The following COL6A2 variants were observed in gnomAD, a reference collection of about 807,000 sequenced individuals.
COL6A2 encodes collagen type VI alpha 2 chain, also known as collagen alpha-2(VI) chain.
In COL6A2, 90 loss-of-function variants were observed where a neutral mutation model predicts 124.9. The observed-to-expected ratio is 0.72, with a 90% confidence interval of 0.61 to 0.86. The LOEUF is 0.86. Among genes scored for constraint, COL6A2 ranks in the 40% least tolerant of loss-of-function variants. COL6A2 has a pLI of 0.00. For missense variants in COL6A2, 1,607 were observed against 1,502.5 expected (o/e 1.07, Z -1.15); for synonymous variants, 793 against 618.2 (o/e 1.28, Z -4.19).
At chr21:46,117,130 G>A (rs549863990) in intron 10 of COL6A2, among the ~76,000 whole-genome samples, 1 of 152,286 alleles carries the variant, frequency 6.6e-6, no homozygotes, top group Admixed American at 6.5e-5. Context: ...CTCCTTCCAT[G>A]GCTCCCCGTG....
chr21:46,117,371 G>GA, intron 10 of COL6A2, 29 bp from the exon 11 acceptor site: 2 of 1,610,338 alleles, frequency 1.2e-6, no homozygotes, highest in Non-Finnish European at 1.7e-6. Flanking sequence ...ACCCCGCCCT[G>GA]AGACTCCTCC....
Position 46,111,596 on chromosome 21 carries a change from CA to C in COL6A2, c.115+6del, listed in dbSNP as rs578127995. 212 of 1,608,372 alleles carry C rather than the reference CA, an allele frequency of 1.3e-4. No homozygotes were observed. In the African/African-American group the frequency reaches 2.6e-3, roughly 20 times the overall value. Reference sequence around the variant, plus strand: ...AGAGAAACAACAACTGCCCAGGTGCCAGGGGTCGGGGGCCGGGGGCTCTGGG... The same window carrying C: ...AGAGAAACAACAACTGCCCAGGTGCCGGGGTCGGGGGCCGGGGGCTCTGGG... On this transcript the variant is annotated splice_donor_region_variant and intron_variant, in intron 2 of 27. Coordinates refer to ENST00000300527, the MANE Select transcript of COL6A2 (RefSeq NM_001849.4).
chr21:46,107,797 C>T (rs977461798), intron 1 of COL6A2, among the ~76,000 whole-genome samples: 1 of 152,144 alleles, frequency 6.6e-6, no homozygotes, highest in African/African-American at 2.4e-5. Flanking sequence ...TTTGAATTTT[C>T]CTGCCTTTCT....
chr21:46,119,728 TC>T, intron 14 of COL6A2, 59 bp from the exon 15 acceptor site: 2 of 1,483,758 alleles, frequency 1.3e-6, no homozygotes, highest in Non-Finnish European at 1.8e-6. Flanking sequence ...GCCCCCACCC[TC>T]CACAGGCTCT....
At chr21:46,099,651 C>G (rs1430556061) in intron 1 of COL6A2, among the ~76,000 whole-genome samples, 1 of 152,118 alleles carries the variant, frequency 6.6e-6, no homozygotes, top group Non-Finnish European at 1.5e-5. Flanking sequence ...CTACCCAGCC[C>G]GCGGGGCACT....
At chr21:46,114,415 ACT>A (rs1721803609) in intron 5 of COL6A2, among the ~76,000 whole-genome samples, 1 of 148,106 alleles carries the variant, frequency 6.8e-6, no homozygotes, top group African/African-American at 2.5e-5. Flanking sequence ...ACAGAGTAAG[ACT>A]CTGTCTCAAA....
intron 27 of COL6A2, among the ~76,000 whole-genome samples, chr21:46,131,210 G>A (rs943081410): frequency 1.3e-5 from 2 of 152,238 alleles, no homozygotes; most frequent in East Asian, 3.8e-4. Flanking sequence ...GACTGTCCGT[G>A]TCCTGTCCTG....
At position 46,112,784 on chromosome 21, in the gene COL6A2, C is replaced by A. The variant is rs774379821; in HGVS notation, c.715-20C>A. On this transcript the variant is annotated intron_variant, in intron 3 of 27. Coordinates refer to ENST00000300527, the MANE Select transcript of COL6A2 (RefSeq NM_001849.4). ...GGTCTCGAGGCACACGGCTAACCAG[C>A]ATGTCTGTCTTTTCTGCAGAAACAC... 6.2e-7 allele frequency: 1 copy of A among 1,613,824 alleles called. No individual in the cohort carries two copies. Among genetic ancestry groups the A allele is most frequent in the Admixed American group, 1.7e-5 (1 of 60,032 alleles).
In COL6A2 at chr21:46,129,643, A is replaced by G. The variant is rs73161620; in HGVS notation, c.2462-2311A>G. The G allele has an allele frequency of 0.084, 119,284 of 1,425,062 alleles. 5,569 individuals are homozygous for G. The highest frequency in any genetic ancestry group is 0.11 in the Middle Eastern group (429 of 3,858). 88.3% of individuals were successfully genotyped at this position (1,425,062 alleles called of 1,614,324 possible). ...TTCCAGGGGCTCTGGGGCAGCTCCC[A>G]GCCTCTTCCCATGCTGGTGGCCACC... is the stretch of plus-strand genomic sequence containing the variant. On this transcript the variant is annotated intron_variant, in intron 27 of 27. Transcript: ENST00000300527.
At chr21:46,119,702 C>T in intron 14 of COL6A2, 86 bp from the exon 15 acceptor site, 3 of 1,226,140 alleles carry the variant, frequency 2.4e-6, no homozygotes, top group Non-Finnish European at 3.5e-6. Context: ...AGAGAAGGAG[C>T]ATCGGCCCCG....
At chr21:46,100,797 G>A (rs181060387) in intron 1 of COL6A2, among the ~76,000 whole-genome samples, 59 of 152,268 alleles carry the variant, frequency 3.9e-4, no homozygotes, top group African/African-American at 1.4e-3. Context: ...TTACCCATTC[G>A]TCTGTTGCTG....
At position 46,112,623 on chromosome 21, in the gene COL6A2, G is replaced by C. The variant is rs201719015; in HGVS notation, c.714+46G>C. 154 of 1,602,766 alleles carry C rather than the reference G, an allele frequency of 9.6e-5. 1 individual carries two copies. The African/African-American group carries it at 2.0e-3, about 20-fold the overall frequency. On this transcript the variant is annotated intron_variant, in intron 3 of 27. Transcript: ENST00000300527. The stretch of plus-strand genomic sequence containing the variant: ...CCGTCCACGCGCCAGGGGTGGCCAC[G>C]GTGGGCCGTCCACCCACTCCGGGCC...
chr21:46,128,142 C>G (rs1281492652), intron 27 of COL6A2, among the ~76,000 whole-genome samples: 2 of 152,188 alleles, frequency 1.3e-5, no homozygotes, highest in East Asian at 3.8e-4. Flanking sequence ...AGCCCATTCT[C>G]CCTCCTGGGA....
Position 46,116,556 on chromosome 21 carries a change from T to C in COL6A2, c.928-95T>C. On this transcript the variant is annotated intron_variant, in intron 8 of 27. Transcript: ENST00000300527. The surrounding 1 kb of genome is among the most constrained non-coding windows in gnomAD (Gnocchi z 4.6). ...GGGGCTCCTGGGGGGTCCTGTGGCC[T>C]TGAGTTTGGCCCAAGGGCTTTGCCC... 3.1e-6 allele frequency: 5 copies of C among 1,593,900 alleles called. No individual in the cohort carries two copies. Among genetic ancestry groups the C allele is most frequent in the Non-Finnish European group, 4.3e-6 (5 of 1,164,562 alleles).
Position 46,119,362 on chromosome 21 carries a change from C to A in COL6A2, c.1269+243C>A, listed in dbSNP as rs533918671. Among the ~76,000 whole-genome samples, 4 of 152,276 alleles carry A rather than the reference C, an allele frequency of 2.6e-5. No individual in the cohort carries two copies. In the South Asian group the frequency reaches 8.3e-4, roughly 32 times the overall value. On this transcript the variant is annotated intron_variant, in intron 14 of 27. Coordinates refer to ENST00000300527, the MANE Select transcript of COL6A2 (RefSeq NM_001849.4). Reference sequence around the variant, plus strand: ...TTCCCTAAACCCAGCACCAGCTGCCCAGGGCATCCTGTGAGGGCTGAGCAG... The same window carrying A: ...TTCCCTAAACCCAGCACCAGCTGCCAAGGGCATCCTGTGAGGGCTGAGCAG...
Position 46,111,556 on chromosome 21 carries a change from CG to C in COL6A2, c.81del (p.Pro28ArgfsTer43). 1 of 1,612,880 alleles carries C rather than the reference CG, an allele frequency of 6.2e-7. No individual in the cohort carries two copies. The highest frequency in any genetic ancestry group is 8.5e-7 in the Non-Finnish European group (1 of 1,179,934). On this transcript the variant is annotated frameshift_variant, in exon 2 of 28. Coordinates refer to ENST00000300527, the MANE Select transcript of COL6A2 (RefSeq NM_001849.4). LOFTEE classifies it high-confidence loss of function. The stretch of plus-strand genomic sequence containing the variant: ...CAGGCCCAGCAGCAGGAGGTCATCT[CG>C]CCGGACACTACCGAGAGAAACAACA... Reference protein sequence around the residue: ...AIQAQQQEVISPDTTERNNNC... With the variant: ...AIQAQQQEVIXPDTTERNNNC...
At chr21:46,120,402 G>GGT in intron 15 of COL6A2, 113 bp from the exon 16 acceptor site, 1 of 791,554 alleles carries the variant, frequency 1.3e-6, no homozygotes, top group Non-Finnish European at 2.1e-6. Context: ...GGACAGACGG[G>GGT]GTTCTTCCTC....
In COL6A2 at chr21:46,120,553, A is replaced by G; in HGVS notation, c.1371A>G (p.Gly457=). ...PGPEGPRGLA[G]EVGNKGAKGD... is the part of the protein sequence containing the mutation. The stretch of plus-strand genomic sequence containing the variant: ...CTGAGGGGCCCCGCGGCCTGGCTGG[A>G]GAGGTTGGCAACAAAGGAGCCAAGG... The change falls in exon 16 of 28, where the codon GGA becomes GGG. Residue 457 remains glycine (G), a synonymous_variant. Transcript: ENST00000300527. The G allele has an allele frequency of 2.7e-6, 4 of 1,471,630 alleles. No homozygotes were observed. The highest frequency in any genetic ancestry group is 3.6e-6 in the Non-Finnish European group (4 of 1,112,606). The allele number at this position is 1,471,630 out of a possible 1,614,324, so 91.2% of individuals were successfully genotyped here. A position where few individuals can be genotyped will look rare whatever the true frequency, so the allele number is the denominator to read the frequency against.
rs886838603 is a variant in COL6A2 at position 46,123,499 on chromosome 21, A to G, written c.1671+562A>G. ...GAACTGAGCACAAAACAAGGGATGG[A>G]TAACGATGGATGGATGGGCAAGTGG... On this transcript the variant is annotated intron_variant, in intron 21 of 27. Transcript: ENST00000300527. Among the ~76,000 whole-genome samples the G allele has an allele frequency of 3.3e-5, 5 of 152,126 alleles. No individual in the cohort carries two copies. The East Asian group carries it at 9.6e-4, about 29-fold the overall frequency.
Sources: gnomAD v4.1 joint callset for allele counts (sites outside exome capture counted in the v4.1 genomes callset) on GRCh38, gnomAD v4.1.1 for gene constraint, Gnocchi (gnomAD v3.1) non-coding constraint, MANE v1.5 for transcripts, NCBI Gene and HGNC (gene_info 2026-07-23, HGNC 2026-07-21) for gene names.